Variants in PPP1R36 observed in about 807,000 individuals in gnomAD.
The protein encoded by PPP1R36 is chromosome 14 open reading frame 50.
PPP1R36 carries 47 observed loss-of-function variants against 53.4 expected under a neutral mutation model. That is an observed-to-expected ratio of 0.88 (90% CI 0.70 to 1.12). The LOEUF (loss-of-function observed/expected upper bound fraction) is 1.12, where lower values mean the gene tolerates loss of function less well. PPP1R36 is among the 50% of genes most tolerant of loss of function. The pLI is 0.00. For missense variants in PPP1R36, 456 were observed against 513.9 expected, an observed-to-expected ratio of 0.89 and a Z score of 1.09; for synonymous variants, 153 against 170.5, an observed-to-expected ratio of 0.90 and a Z score of 0.80.
At chr14:64,554,153 T>TG (rs1257454184) in intron 3 of PPP1R36, among the ~76,000 whole-genome samples, 8 of 142,466 alleles carry the variant, frequency 5.6e-5, no homozygotes, top group Admixed American at 1.4e-4. Context: ...TTTTTTTTTT[T>TG]TTTTTTTTTT....
intron 1 of PPP1R36, among the ~76,000 whole-genome samples, chr14:64,550,673 C>T (rs2080087175): frequency 1.3e-5 from 2 of 152,100 alleles, no homozygotes; most frequent in South Asian, 2.1e-4. Context: ...TCCTTCCTGC[C>T]GTTCTACTGA....
In PPP1R36 at chr14:64,563,480, C is replaced by G. The variant is rs115304070; in HGVS notation, c.183-1271C>G. On this transcript the variant is annotated intron_variant, in intron 3 of 11. Transcript: ENST00000298705. ...AAAAAAAAAAAAAGAAAGAAAAGAA[C>G]AGTGGAAAAATTGTAAAAAATCATT... is the stretch of plus-strand genomic sequence containing the variant. Among the ~76,000 whole-genome samples, 482 of 149,586 alleles carry G rather than the reference C, an allele frequency of 3.2e-3. 5 individuals are homozygous for G. Among genetic ancestry groups the G allele is most frequent in the African/African-American group, 0.011 (458 of 40,798 alleles).
Position 64,567,812 on chromosome 14 carries a change from C to A in PPP1R36, c.435-537C>A, listed in dbSNP as rs145773785. 5.9e-5 allele frequency among the ~76,000 whole-genome samples: 9 copies of A among 152,264 alleles called. No individual in the cohort carries two copies. The East Asian group carries it at 1.5e-3, about 26-fold the overall frequency. ...AACTAGCTGGGATTACAGGGATGCA[C>A]CACCACGCCCGGCTAATTTTTGTAA... On this transcript the variant is annotated intron_variant, in intron 6 of 11. Coordinates refer to ENST00000298705, the MANE Select transcript of PPP1R36 (RefSeq NM_172365.3).
At chr14:64,572,027 T>G (rs1055488836) in intron 7 of PPP1R36, among the ~76,000 whole-genome samples, 1 of 152,158 alleles carries the variant, frequency 6.6e-6, no homozygotes, top group East Asian at 1.9e-4. Context: ...GAGATTTGGG[T>G]GGGGACACAG....
intron 8 of PPP1R36, among the ~76,000 whole-genome samples, chr14:64,574,913 G>A (rs184018657): frequency 6.9e-4 from 105 of 152,334 alleles, no homozygotes; most frequent in African/African-American, 2.4e-3. Flanking sequence ...TGGGCAGGAG[G>A]TCTGGTGGGG....
chr14:64,578,683 G>T (rs2080362641), intron 8 of PPP1R36, among the ~76,000 whole-genome samples: 1 of 152,208 alleles, frequency 6.6e-6, no homozygotes, highest in African/African-American at 2.4e-5. Flanking sequence ...TTCAACCATT[G>T]TGGAAAGCAG....
Position 64,550,026 on chromosome 14 carries a change from G to A in PPP1R36, c.29G>A (p.Arg10Lys), listed in dbSNP as rs1447949914. The stretch of plus-strand genomic sequence containing the variant: ...TACCGGGTGCCCGAGTTTTATGCGA[G>A]GAGGAAGCGGTTAGGTGGGCAGACC... MYRVPEFYA[R>K]RKRLGGQTPY... The change falls in exon 1 of 12, where the codon AGG (arginine) becomes AAG (lysine). Residue 10 changes from arginine (R) to lysine (K), a missense_variant. By Grantham distance (26) the Arg-to-Lys change is conservative. Transcript: ENST00000298705. 1 of 1,574,810 alleles carries A rather than the reference G, an allele frequency of 6.3e-7. No homozygotes were observed. Among genetic ancestry groups the A allele is most frequent in the Admixed American group, 1.8e-5 (1 of 54,496 alleles).
intron 3 of PPP1R36, chr14:64,559,667 T>C (rs1398331674): frequency 6.6e-6 from 1 of 152,300 alleles, no homozygotes; most frequent in Admixed American, 6.5e-5. Flanking sequence ...GGTGGTTCAT[T>C]AGGCTGGGTA....
At chr14:64,567,067 T>C (rs1381103225) in intron 6 of PPP1R36, among the ~76,000 whole-genome samples, 1 of 152,260 alleles carries the variant, frequency 6.6e-6, no homozygotes, top group African/African-American at 2.4e-5. Context: ...TTTGGCCCAG[T>C]GTCTGTTGCT....
intron 3 of PPP1R36, among the ~76,000 whole-genome samples, chr14:64,560,103 CAAAAAAAAAAAA>C (rs1171697200): frequency 0.023 from 620 of 27,494 alleles, 10 homozygotes; most frequent in African/African-American, 0.06. Flanking sequence ...GAATCTGTCA[CAAAAAAAAAAAA>C]AAAAAAAAAA....
chr14:64,572,832 A>T (rs1245122997), intron 7 of PPP1R36, among the ~76,000 whole-genome samples: 1 of 152,236 alleles, frequency 6.6e-6, no homozygotes, highest in Non-Finnish European at 1.5e-5. Flanking sequence ...AATATTAGCT[A>T]CTGGCAGCTC....
chr14:64,563,235 GATCTC>G (rs2080220204), intron 3 of PPP1R36, among the ~76,000 whole-genome samples: 1 of 152,078 alleles, frequency 6.6e-6, no homozygotes, highest in South Asian at 2.1e-4. Flanking sequence ...GCAGTGGTGT[GATCTC>G]AGCTCACTGC....
At chr14:64,567,309 G>A (rs1396212098) in intron 6 of PPP1R36, among the ~76,000 whole-genome samples, 2 of 152,122 alleles carry the variant, frequency 1.3e-5, no homozygotes, top group Admixed American at 6.5e-5. Context: ...AGCCTTTTTG[G>A]AGAGCAAGGC....
At chr14:64,589,099 C>A in intron 11 of PPP1R36, 53 bp from the exon 12 acceptor site, 1 of 1,359,368 alleles carries the variant, frequency 7.4e-7, no homozygotes, top group Non-Finnish European at 1.0e-6. Flanking sequence ...CTCAACCCTG[C>A]ACGTCAGTCT....
chr14:64,571,559 A>C (rs1379911363), intron 7 of PPP1R36, among the ~76,000 whole-genome samples: 1 of 152,194 alleles, frequency 6.6e-6, no homozygotes, highest in Non-Finnish European at 1.5e-5. Flanking sequence ...AAGAGGCAGT[A>C]TATTATAGTG....
At chr14:64,554,174 G>A (rs1363544479) in intron 3 of PPP1R36, among the ~76,000 whole-genome samples, 4 of 109,206 alleles carry the variant, frequency 3.7e-5, no homozygotes, top group African/African-American at 8.0e-5. Context: ...TTTTTGAGAC[G>A]GAGTCCCTTT....
At position 64,588,246 on chromosome 14, in the gene PPP1R36, G is replaced by A; in HGVS notation, c.1033G>A (p.Ala345Thr). The change falls in exon 11 of 12, where the codon GCC becomes ACC. Residue 345 changes from alanine (A) to threonine (T), a missense_variant. By Grantham distance (58) the Ala-to-Thr change is moderately conservative. Coordinates refer to ENST00000298705, the MANE Select transcript of PPP1R36 (RefSeq NM_172365.3). ...KYHQVDVRFPAEMQKHVGTLD... is the reference protein window; with the variant it reads ...KYHQVDVRFPTEMQKHVGTLD... ...TCATCAAGTAGACGTCAGATTCCCA[G>A]CCGAGATGCAAAAGCATGTGGGAAC... The A allele has an allele frequency of 6.2e-7, 1 of 1,613,956 alleles. No individual in the cohort carries two copies. The highest frequency in any genetic ancestry group is 8.5e-7 in the Non-Finnish European group (1 of 1,179,896).
At chr14:64,584,568 G>A (rs891571414) in intron 8 of PPP1R36, among the ~76,000 whole-genome samples, 2 of 152,158 alleles carry the variant, frequency 1.3e-5, no homozygotes, top group Non-Finnish European at 2.9e-5. Flanking sequence ...AAAAGTTTCC[G>A]CTGAGCTCTG....
chr14:64,574,003 T>G (rs1464662680), intron 7 of PPP1R36, among the ~76,000 whole-genome samples: 1 of 149,580 alleles, frequency 6.7e-6, no homozygotes, highest in Non-Finnish European at 1.5e-5. Flanking sequence ...GAAGGGACTT[T>G]AAGGATTTTC....
Sources: gnomAD v4.1 joint callset for allele counts (sites outside exome capture counted in the v4.1 genomes callset) on GRCh38, gnomAD v4.1.1 for gene constraint, MANE v1.5 for transcripts, NCBI Gene and HGNC (gene_info 2026-07-23, HGNC 2026-07-21) for gene names.